Variants in PLEKHA8 observed in about 807,000 individuals in gnomAD.
PLEKHA8 encodes the protein pleckstrin homology domain-containing family A member 8.
A neutral mutation model predicts 68.2 loss-of-function variants in PLEKHA8; 36 were observed. That is an observed-to-expected ratio of 0.53 (90% CI 0.40 to 0.70). The LOEUF is 0.70. Ranked by LOEUF, PLEKHA8 falls within the 30% of genes least tolerant of loss-of-function variation. PLEKHA8 has a pLI of 0.00. For missense variants in PLEKHA8, 505 were observed against 615.4 expected, an observed-to-expected ratio of 0.82 and a Z score of 1.90; for synonymous variants, 211 against 216.1, an observed-to-expected ratio of 0.98 and a Z score of 0.20.
At chr7:30,084,876 C>T (rs1795113084), downstream of PLEKHA8, among the ~76,000 whole-genome samples, 1 of 152,036 alleles carries the variant, frequency 6.6e-6, no homozygotes. Flanking sequence ...GCCTAAGATC[C>T]CACAGCTAGG....
chr7:30,087,175 T>C (rs1795217365), downstream of PLEKHA8, among the ~76,000 whole-genome samples: 1 of 152,212 alleles, frequency 6.6e-6, no homozygotes, highest in Admixed American at 6.5e-5. Context: ...TCAGAGTCTT[T>C]TATGAGATCA....
At chr7:30,127,059 T>C (rs941663939) in intron 13 of PLEKHA8, among the ~76,000 whole-genome samples, 3 of 152,240 alleles carry the variant, frequency 2.0e-5, no homozygotes, top group African/African-American at 7.2e-5. Context: ...CGTAGTTTTA[T>C]GTAAAAGCTC....
In PLEKHA8 at chr7:30,052,640, C is replaced by CAAAAAAAAA. The variant is rs75714651; in HGVS notation, c.639-57_639-49dup. 1.7e-4 allele frequency: 186 copies of CAAAAAAAAA among 1,066,878 alleles called. No homozygotes were observed. In the East Asian group the frequency reaches 2.8e-3, roughly 16 times the overall value. The allele number at this position is 1,066,878 out of a possible 1,614,324, so 66.1% of individuals were successfully genotyped here. ...GGGTGACAGAGTGGAGACCCTGTTT[C>CAAAAAAAAA]AAAAAAAAAAAAAAAAAAAAGACCA... On this transcript the variant is annotated intron_variant, in intron 6 of 13. Coordinates refer to ENST00000449726, the MANE Select transcript of PLEKHA8 (RefSeq NM_001197026.2).
chr7:30,057,294 G>A (rs2127984838), intron 9 of PLEKHA8, among the ~76,000 whole-genome samples: 1 of 151,946 alleles, frequency 6.6e-6, no homozygotes, highest in East Asian at 1.9e-4. Context: ...ATACTTTTTT[G>A]CCTCTGGCTT....
intron 13 of PLEKHA8, among the ~76,000 whole-genome samples, chr7:30,109,679 T>C (rs924958917): frequency 4.0e-5 from 6 of 150,510 alleles, no homozygotes; most frequent in South Asian, 2.1e-4. Context: ...TTTTCTTTTT[T>C]TTTTTTTTTA....
At position 30,054,499 on chromosome 7, in the gene PLEKHA8, C is replaced by T. The variant is rs1280802605; in HGVS notation, c.797-210C>T. Among the ~76,000 whole-genome samples, 5 of 151,994 alleles carry T rather than the reference C, an allele frequency of 3.3e-5. No homozygotes were observed. In the East Asian group the frequency reaches 9.6e-4, roughly 29 times the overall value. ...AATGATAATGAAAATATTCATGATA[C>T]ATTGTTTAGTGAAAGCAAGCAGGAT... is the stretch of plus-strand genomic sequence containing the variant. On this transcript the variant is annotated intron_variant, in intron 7 of 13. Coordinates refer to ENST00000449726, the MANE Select transcript of PLEKHA8 (RefSeq NM_001197026.2).
At position 30,073,563 on chromosome 7, in the gene PLEKHA8, T is replaced by TAAAAAAAAAAAAAAAAAAAAAAAAAAAA. The variant is rs35738941; in HGVS notation, c.1301-482_1301-481insAAAAAAAAAAAAAAAAAAAAAAAAAAAA. On this transcript the variant is annotated intron_variant, in intron 12 of 13. Coordinates refer to ENST00000449726, the MANE Select transcript of PLEKHA8 (RefSeq NM_001197026.2). ...TAAGAGTGGAAGTATTTGTGTTTCT[T>TAAAAAAAAAAAAAAAAAAAAAAAAAAAA]AAAAAAAAAAAAAAAAAAAAAAAAA... Among the ~76,000 whole-genome samples the TAAAAAAAAAAAAAAAAAAAAAAAAAAAA allele has an allele frequency of 2.7e-5, 3 of 111,774 alleles. 1 individual carries two copies. The highest frequency in any genetic ancestry group is 1.1e-4 in the African/African-American group (3 of 28,038). The allele number at this position is 111,774 out of a possible 152,430, so 73.3% of individuals were successfully genotyped here.
intron 12 of PLEKHA8, among the ~76,000 whole-genome samples, chr7:30,072,356 A>C (rs185360803): frequency 6.6e-6 from 1 of 152,358 alleles, no homozygotes; most frequent in African/African-American, 2.4e-5. Context: ...ATTTTATATA[A>C]CATATAATTG....
chr7:30,116,995 A>C (rs986603176), intron 13 of PLEKHA8, among the ~76,000 whole-genome samples: 4 of 152,142 alleles, frequency 2.6e-5, no homozygotes, highest in Non-Finnish European at 5.9e-5. Context: ...TGTGTGTTTC[A>C]CTTGGTCTTG....
intron 1 of PLEKHA8, among the ~76,000 whole-genome samples, chr7:30,042,737 T>C (rs1433936506): frequency 6.6e-6 from 1 of 152,232 alleles, no homozygotes; most frequent in Non-Finnish European, 1.5e-5. Flanking sequence ...GACTGTGTGA[T>C]TTCAAAGACC....
At chr7:30,062,083 C>CA (rs1345717106) in intron 11 of PLEKHA8, 56 bp downstream of exon 11, 22 of 1,550,386 alleles carry the variant, frequency 1.4e-5, no homozygotes, top group Admixed American at 6.2e-5. Context: ...AAATTACCAG[C>CA]AAAAAAAATT....
chr7:30,112,420 A>C (rs1796303151), intron 13 of PLEKHA8, among the ~76,000 whole-genome samples: 2 of 152,156 alleles, frequency 1.3e-5, no homozygotes, highest in African/African-American at 4.8e-5. Context: ...TAAATGATTC[A>C]CATGTCAAAA....
At chr7:30,115,778 G>T (rs1057507321) in intron 13 of PLEKHA8, 1 of 148,666 alleles carries the variant, frequency 6.7e-6, no homozygotes, top group Non-Finnish European at 1.5e-5. Flanking sequence ...ACGTATGCAT[G>T]CATACATACG....
chr7:30,034,525 C>T (rs1195639477), intron 1 of PLEKHA8, among the ~76,000 whole-genome samples: 7 of 152,068 alleles, frequency 4.6e-5, no homozygotes, highest in Non-Finnish European at 8.8e-5. Flanking sequence ...TCATATGTGT[C>T]GTATACTGCA....
chr7:30,095,944 G>C (rs1212006825), intron 13 of PLEKHA8, among the ~76,000 whole-genome samples: 4 of 152,176 alleles, frequency 2.6e-5, no homozygotes, highest in Non-Finnish European at 5.9e-5. Context: ...AGTATAGTTT[G>C]AAGTCAGGTA....
chr7:30,105,257 A>T (rs951046330), intron 13 of PLEKHA8, among the ~76,000 whole-genome samples: 4 of 148,854 alleles, frequency 2.7e-5, no homozygotes, highest in Non-Finnish European at 4.4e-5. Context: ...CATCCCTTCA[A>T]CCCAGTAGTT....
intron 13 of PLEKHA8, among the ~76,000 whole-genome samples, chr7:30,112,700 C>A (rs1172444584): frequency 6.7e-6 from 1 of 149,450 alleles, no homozygotes; most frequent in Non-Finnish European, 1.5e-5. Flanking sequence ...GGGTGACAGA[C>A]CCAGACCCAG....
At chr7:30,048,856 G>A (rs1792173973) in intron 4 of PLEKHA8, among the ~76,000 whole-genome samples, 1 of 152,072 alleles carries the variant, frequency 6.6e-6, no homozygotes, top group Non-Finnish European at 1.5e-5. Context: ...GGGGAGGGAA[G>A]ATGAAGGATA....
intron 13 of PLEKHA8, among the ~76,000 whole-genome samples, chr7:30,107,941 T>C (rs981779982): frequency 6.6e-6 from 1 of 151,864 alleles, no homozygotes; most frequent in Non-Finnish European, 1.5e-5. Flanking sequence ...TGGTGATGCA[T>C]GCCTGTAATC....
Sources: gnomAD v4.1 joint callset for allele counts (sites outside exome capture counted in the v4.1 genomes callset) on GRCh38, gnomAD v4.1.1 for gene constraint, MANE v1.5 for transcripts, NCBI Gene and HGNC (gene_info 2026-07-23, HGNC 2026-07-21) for gene names.